The following NAV2 variants were observed in gnomAD, a reference collection of about 807,000 sequenced individuals.
NAV2 encodes helicase, APC down-regulated 1.
A neutral mutation model predicts 223.2 loss-of-function variants in NAV2; 54 were observed. The ratio of observed to expected loss-of-function variants is 0.24; its 90% confidence interval spans 0.19 to 0.30. The LOEUF (loss-of-function observed/expected upper bound fraction) is 0.30, where lower values mean the gene tolerates loss of function less well. Ranked by LOEUF, NAV2 falls within the 10% of genes least tolerant of loss-of-function variation. The pLI is 1.00. For synonymous variants in NAV2, 1,279 were observed against 1,239.3 expected, an observed-to-expected ratio of 1.03 and a Z score of -0.67; for missense variants, 2,806 against 3,147.5, an observed-to-expected ratio of 0.89 and a Z score of 2.60.
intron 1 of NAV2, among the ~76,000 whole-genome samples, chr11:19,475,121 C>A (rs1051236588): frequency 6.6e-6 from 1 of 152,232 alleles, no homozygotes; most frequent in African/African-American, 2.4e-5. Flanking sequence ...CAGCCTGCAT[C>A]TGGGGAAAGC....
chr11:19,469,818 T>C (rs2041906045), intron 1 of NAV2, among the ~76,000 whole-genome samples: 1 of 152,226 alleles, frequency 6.6e-6, no homozygotes, highest in Admixed American at 6.5e-5. Flanking sequence ...TGTATTGAAT[T>C]TTCTCACCTA....
chr11:19,481,488 G>A (rs1453273104), intron 1 of NAV2, among the ~76,000 whole-genome samples: 2 of 152,198 alleles, frequency 1.3e-5, no homozygotes, highest in African/African-American at 4.8e-5. Context: ...AAGGCAGAAA[G>A]ACTTGGGTTC....
At chr11:19,945,672 C>G (rs1456440142) in intron 8 of NAV2, among the ~76,000 whole-genome samples, 1 of 152,190 alleles carries the variant, frequency 6.6e-6, no homozygotes, top group African/African-American at 2.4e-5. Flanking sequence ...GCTCCCTGCT[C>G]TAGAGCACCA....
chr11:19,407,142 T>C (rs749749605), intron 1 of NAV2, among the ~76,000 whole-genome samples: 26 of 152,212 alleles, frequency 1.7e-4, no homozygotes, highest in South Asian at 4.1e-4. Flanking sequence ...GCAAAGATTC[T>C]TTCTCTGCAT....
Position 19,515,897 on chromosome 11 carries a change from T to C in NAV2, c.75+164870T>C, listed in dbSNP as rs2043430623. On this transcript the variant is annotated intron_variant, in intron 1 of 37. Transcript: ENST00000360655. ...GTGACAGAAAGGAATCAAGGTTGAT[T>C]CCAAGTGTTTCAGCCTGAGCAACTA... 2.6e-5 allele frequency among the ~76,000 whole-genome samples: 4 copies of C among 152,308 alleles called. No homozygotes were observed. The South Asian group carries it at 8.3e-4, about 32-fold the overall frequency.
At chr11:19,599,669 G>A (rs973449898) in intron 1 of NAV2, among the ~76,000 whole-genome samples, 1 of 152,200 alleles carries the variant, frequency 6.6e-6, no homozygotes, top group Admixed American at 6.5e-5. Context: ...AAGGTTTCAA[G>A]GAATGCTTCT....
chr11:19,924,742 G>T (rs1195091997), intron 6 of NAV2, among the ~76,000 whole-genome samples: 2 of 152,202 alleles, frequency 1.3e-5, no homozygotes, highest in Admixed American at 1.3e-4. Context: ...GTTTTAGAGA[G>T]AACTGACATG....
At chr11:19,852,353 ATTG>A (rs2061191696) in intron 3 of NAV2, among the ~76,000 whole-genome samples, 1 of 152,208 alleles carries the variant, frequency 6.6e-6, no homozygotes, top group Admixed American at 6.5e-5. Context: ...AGGTGCCTCT[ATTG>A]TTAGAACCCT....
chr11:19,529,137 TA>T (rs1271374041), intron 1 of NAV2, among the ~76,000 whole-genome samples: 2 of 152,180 alleles, frequency 1.3e-5, no homozygotes, highest in Non-Finnish European at 1.5e-5. Flanking sequence ...GATTTTTGTA[TA>T]AAAACTCCCA....
At chr11:19,996,611 C>T (rs2051915300) in intron 11 of NAV2, among the ~76,000 whole-genome samples, 3 of 152,232 alleles carry the variant, frequency 2.0e-5, no homozygotes, top group Admixed American at 2.0e-4. Flanking sequence ...ATGTTGATCA[C>T]ACCAGTTGAC....
chr11:19,571,124 A>T (rs2045413276), intron 1 of NAV2, among the ~76,000 whole-genome samples: 1 of 152,254 alleles, frequency 6.6e-6, no homozygotes, highest in African/African-American at 2.4e-5. Context: ...TGAAGTACTG[A>T]CAAATGCCAC....
At chr11:20,053,218 GAAAAAA>G (rs60421659) in intron 17 of NAV2, among the ~76,000 whole-genome samples, 5 of 40,974 alleles carry the variant, frequency 1.2e-4, no homozygotes, top group Non-Finnish European at 1.6e-4. Flanking sequence ...ACTACGTCTC[GAAAAAA>G]AAAAAAAAAA....
chr11:19,388,710 T>A (rs544011363), intron 1 of NAV2, among the ~76,000 whole-genome samples: 1 of 152,146 alleles, frequency 6.6e-6, no homozygotes, highest in South Asian at 2.1e-4. Flanking sequence ...CTGGGCAAGA[T>A]AATATCTGTG....
chr11:19,907,097 G>A (rs555215493), intron 6 of NAV2, among the ~76,000 whole-genome samples: 5 of 102,980 alleles, frequency 4.9e-5, no homozygotes, highest in African/African-American at 1.8e-4. Context: ...GTTATTGTAC[G>A]GTTTCCGTGA....
chr11:19,972,223 C>T (rs1168439935), intron 10 of NAV2, among the ~76,000 whole-genome samples: 1 of 152,154 alleles, frequency 6.6e-6, no homozygotes, highest in African/African-American at 2.4e-5. Flanking sequence ...ATTCCTGCTC[C>T]CTCCCTGGAG....
intron 1 of NAV2, among the ~76,000 whole-genome samples, chr11:19,533,375 A>G (rs529654431): frequency 6.6e-6 from 1 of 151,986 alleles, no homozygotes; most frequent in African/African-American, 2.4e-5. Flanking sequence ...GTCATTGTGA[A>G]ATGTTCTTGG....
At chr11:19,683,262 T>C (rs2048926897) in intron 1 of NAV2, among the ~76,000 whole-genome samples, 1 of 151,376 alleles carries the variant, frequency 6.6e-6, no homozygotes, top group Admixed American at 6.6e-5. Context: ...GGAGAGAGAG[T>C]AGTTTTTCAT....
At chr11:19,958,911 G>A (rs993481017) in intron 10 of NAV2, among the ~76,000 whole-genome samples, 1 of 152,208 alleles carries the variant, frequency 6.6e-6, no homozygotes, top group African/African-American at 2.4e-5. Context: ...AGTCCACGCA[G>A]CAGAGCCACA....
chr11:19,607,135 GGA>G (rs1423922865), intron 1 of NAV2, among the ~76,000 whole-genome samples: 1 of 152,204 alleles, frequency 6.6e-6, no homozygotes, highest in African/African-American at 2.4e-5. Flanking sequence ...TTGTGTCCCT[GGA>G]GAGTTTGAAG....
Sources: allele counts gnomAD v4.1 joint callset (sites outside exome capture counted in the v4.1 genomes callset), GRCh38; gene constraint gnomAD v4.1.1; transcripts MANE v1.5; gene names NCBI Gene and HGNC (gene_info 2026-07-23, HGNC 2026-07-21).